The following TEX26 variants were observed in gnomAD, a reference collection of about 807,000 sequenced individuals.
TEX26 encodes testis expressed 26.
A neutral mutation model predicts 35.3 loss-of-function variants in TEX26; 34 were observed. That is an observed-to-expected ratio of 0.96 (90% CI 0.73 to 1.28). The LOEUF (loss-of-function observed/expected upper bound fraction) is 1.28. TEX26 is among the 50% of genes most tolerant of loss of function. The pLI, the probability that TEX26 is intolerant of heterozygous loss-of-function variation, is 0.00. For missense variants in TEX26, 371 were observed against 330.1 expected (o/e 1.12, Z -0.96); for synonymous variants, 136 against 111.8 (o/e 1.22, Z -1.36).
intron 2 of TEX26, among the ~76,000 whole-genome samples, chr13:30,946,338 TC>T (rs1186501599): frequency 6.6e-5 from 10 of 151,992 alleles, no homozygotes; most frequent in Admixed American, 4.6e-4. Context: ...AACTTTTTAT[TC>T]ATATCCTGAG....
intron 2 of TEX26, among the ~76,000 whole-genome samples, chr13:30,945,846 T>C (rs941889269): frequency 7.2e-5 from 11 of 151,886 alleles, no homozygotes; most frequent in Non-Finnish European, 1.0e-4. Context: ...TTTTGCTTTT[T>C]AATAGGTTAC....
chr13:30,937,222 G>T (rs1269132175), intron 1 of TEX26, among the ~76,000 whole-genome samples: 4 of 152,068 alleles, frequency 2.6e-5, no homozygotes, highest in African/African-American at 9.7e-5. Context: ...CCTGGCAATT[G>T]GTGACCCCAG....
At chr13:30,943,422 G>T (rs1426737458) in intron 2 of TEX26, among the ~76,000 whole-genome samples, 1 of 152,028 alleles carries the variant, frequency 6.6e-6, no homozygotes, top group Non-Finnish European at 1.5e-5. Context: ...GCAATATTTT[G>T]ACTTTCTCTT....
intron 4 of TEX26, among the ~76,000 whole-genome samples, chr13:30,965,769 C>T (rs1439244403): frequency 2.0e-5 from 3 of 151,994 alleles, no homozygotes; most frequent in Non-Finnish European, 2.9e-5. Flanking sequence ...TATACAGCAC[C>T]CCATCTAAGC....
chr13:30,962,947 C>T (rs1489731524), intron 4 of TEX26, among the ~76,000 whole-genome samples: 1 of 151,900 alleles, frequency 6.6e-6, no homozygotes, highest in East Asian at 1.9e-4. Context: ...CTGAGCCTCC[C>T]GAGTAGCTGG....
At chr13:30,972,397 C>A (rs542484407) in intron 6 of TEX26, among the ~76,000 whole-genome samples, 2 of 152,228 alleles carry the variant, frequency 1.3e-5, no homozygotes, top group African/African-American at 4.8e-5. Context: ...CTAATTCATG[C>A]AAAACTTGGT....
At chr13:30,938,771 C>A (rs1953366951) in intron 1 of TEX26, among the ~76,000 whole-genome samples, 1 of 152,178 alleles carries the variant, frequency 6.6e-6, no homozygotes, top group Non-Finnish European at 1.5e-5. Context: ...TTTTGACTTT[C>A]AGGATGCCAC....
chr13:30,947,985 C>A (rs143234624), intron 2 of TEX26, among the ~76,000 whole-genome samples: 22 of 151,908 alleles, frequency 1.4e-4, no homozygotes, highest in Admixed American at 5.2e-4. Context: ...TGAGAACATG[C>A]GGTGTTTGGT....
At chr13:30,958,000 A>T (rs541245155) in intron 4 of TEX26, among the ~76,000 whole-genome samples, 3 of 152,370 alleles carry the variant, frequency 2.0e-5, no homozygotes, top group Admixed American at 6.5e-5. Context: ...CTCCTTTGTT[A>T]GAGATGAAAA....
intron 6 of TEX26, 141 bp downstream of exon 6, chr13:30,969,187 GTGT>G: frequency 1.3e-6 from 1 of 754,762 alleles, no homozygotes; most frequent in Non-Finnish European, 2.0e-6. Context: ...AAAACTCATA[GTGT>G]TGTGCAAACC....
At chr13:30,956,335 G>A (rs1342764739) in intron 3 of TEX26, among the ~76,000 whole-genome samples, 1 of 151,842 alleles carries the variant, frequency 6.6e-6, no homozygotes, top group African/African-American at 2.4e-5. Context: ...TCCCTACAAA[G>A]GACATGAACT....
chr13:30,942,535 T>C (rs1447291840), intron 2 of TEX26, among the ~76,000 whole-genome samples: 1 of 152,034 alleles, frequency 6.6e-6, no homozygotes, highest in African/African-American at 2.4e-5. Context: ...TCCCATTTAT[T>C]TATTTATTTT....
At chr13:30,955,923 C>A (rs1002470564) in intron 3 of TEX26, among the ~76,000 whole-genome samples, 3 of 152,184 alleles carry the variant, frequency 2.0e-5, no homozygotes, top group Admixed American at 6.5e-5. Context: ...TCAATTTTCT[C>A]AGGGAAATAG....
At chr13:30,941,347 C>T (rs1566142124) in intron 2 of TEX26, among the ~76,000 whole-genome samples, 1 of 152,108 alleles carries the variant, frequency 6.6e-6, no homozygotes, top group Non-Finnish European at 1.5e-5. Flanking sequence ...AATGAAAGTG[C>T]CATCTATATA....
In TEX26 at chr13:30,932,826, C is replaced by T. The variant is rs994803544; in HGVS notation, c.61+50C>T. 5 of 1,591,880 alleles carry T rather than the reference C, an allele frequency of 3.1e-6. No homozygotes were observed. In the African/African-American group the frequency reaches 6.7e-5, roughly 21 times the overall value. ...TGCGGGGCGGGGCTGGGGTCTTTCCCGGGGAAAGGGTCCTGTTGAGAAAAA... is the reference window on the plus strand; with the variant it reads ...TGCGGGGCGGGGCTGGGGTCTTTCCTGGGGAAAGGGTCCTGTTGAGAAAAA... On this transcript the variant is annotated intron_variant, in intron 1 of 6. Coordinates refer to ENST00000380473, the MANE Select transcript of TEX26 (RefSeq NM_152325.3).
rs146132433 is a variant in TEX26 at position 30,949,884 on chromosome 13, A to T, written c.147-2776A>T. Among the ~76,000 whole-genome samples the T allele has an allele frequency of 6.6e-5, 10 of 152,308 alleles. No homozygotes were observed. In the East Asian group the frequency reaches 1.9e-3, roughly 29 times the overall value. On this transcript the variant is annotated intron_variant, in intron 2 of 6. Transcript: ENST00000380473. The stretch of plus-strand genomic sequence containing the variant: ...CTAGTATTCAGTGAAAGAAAGTTAC[A>T]TATAGTGAAAATTAATATTGGTCTG...
At chr13:30,964,927 C>T (rs775834125) in intron 4 of TEX26, among the ~76,000 whole-genome samples, 1 of 152,208 alleles carries the variant, frequency 6.6e-6, no homozygotes, top group Admixed American at 6.5e-5. Flanking sequence ...CATTAGGCCC[C>T]ACCTCCCAAC....
intron 6 of TEX26, among the ~76,000 whole-genome samples, chr13:30,974,207 G>A (rs1954811206): frequency 6.8e-6 from 1 of 146,980 alleles, no homozygotes; most frequent in Admixed American, 6.9e-5. Context: ...ACTCCTTAAT[G>A]TTACAGATCA....
Position 30,960,404 on chromosome 13 carries a change from G to A in TEX26, c.469+3375G>A, listed in dbSNP as rs989353591. Reference sequence around the variant, plus strand: ...ACTGCAGGCATGCACCACCACGTCCGGCTAATTTGTTTGTATTTTTAGTAG... The same window carrying A: ...ACTGCAGGCATGCACCACCACGTCCAGCTAATTTGTTTGTATTTTTAGTAG... On this transcript the variant is annotated intron_variant, in intron 4 of 6. Coordinates refer to ENST00000380473, the MANE Select transcript of TEX26 (RefSeq NM_152325.3). Among the ~76,000 whole-genome samples the A allele has an allele frequency of 5.9e-5, 9 of 152,058 alleles. No homozygotes were observed. In the South Asian group the frequency reaches 1.5e-3, roughly 25 times the overall value.
Sources: gnomAD v4.1 joint callset for allele counts (sites outside exome capture counted in the v4.1 genomes callset) on GRCh38, gnomAD v4.1.1 for gene constraint, MANE v1.5 for transcripts, NCBI Gene and HGNC (gene_info 2026-07-23, HGNC 2026-07-21) for gene names.